Variants in ERLEC1 observed in about 807,000 individuals in gnomAD.
ERLEC1 encodes the protein ER lectin.
A neutral mutation model predicts 68.0 loss-of-function variants in ERLEC1; 47 were observed. The observed-to-expected ratio is 0.69, with a 90% CI of 0.55 to 0.88. The LOEUF (loss-of-function observed/expected upper bound fraction) is 0.88. Ranked by LOEUF, ERLEC1 falls within the 40% of genes least tolerant of loss-of-function variation. The pLI is 0.00. For synonymous variants in ERLEC1, 225 were observed against 203.2 expected (o/e 1.11, Z -0.91); for missense variants, 567 against 583.8 (o/e 0.97, Z 0.30).
chr2:53,801,823 CT>C lies in ERLEC1; in HGVS notation c.864del (p.Phe288LeufsTer42). 6.2e-7 allele frequency: 1 copy of C among 1,613,422 alleles called. No homozygotes were observed. Among genetic ancestry groups the C allele is most frequent in the Non-Finnish European group, 8.5e-7 (1 of 1,179,646 alleles). On this transcript the variant is annotated frameshift_variant, in exon 8 of 14. Coordinates refer to ENST00000185150, the MANE Select transcript of ERLEC1 (RefSeq NM_015701.5). LOFTEE classifies it high-confidence loss of function. ...CAGCAGGAAGAAATACTAAGGGTGC[CT>C]TTTAGGAGAAATAAAGAGGTATGAG... ...LEQQEEILRV[P>X]FRRNKEEDLQ...
intron 1 of ERLEC1, among the ~76,000 whole-genome samples, chr2:53,793,228 G>A (rs563904839): frequency 6.6e-6 from 1 of 152,212 alleles, no homozygotes; most frequent in South Asian, 2.1e-4. Flanking sequence ...GCAGAGATTT[G>A]TTTTTACTAA....
At chr2:53,795,605 G>A (rs1429701783) in intron 2 of ERLEC1, among the ~76,000 whole-genome samples, 2 of 152,112 alleles carry the variant, frequency 1.3e-5, no homozygotes, top group African/African-American at 4.8e-5. Context: ...TAAAAATTCT[G>A]AAATAGGTTT....
intron 1 of ERLEC1, 107 bp downstream of exon 1, chr2:53,787,479 C>A: frequency 7.5e-7 from 1 of 1,338,580 alleles, no homozygotes; most frequent in Non-Finnish European, 1.0e-6. Context: ...TCTCTGCAGA[C>A]TCTTACCTTC....
intron 2 of ERLEC1, among the ~76,000 whole-genome samples, chr2:53,795,451 C>A (rs761676537): frequency 1.3e-5 from 2 of 152,178 alleles, no homozygotes; most frequent in Non-Finnish European, 2.9e-5. Flanking sequence ...TTGAGACACA[C>A]ACACACACGC....
At chr2:53,807,942 T>G (rs1391329448) in intron 8 of ERLEC1, among the ~76,000 whole-genome samples, 2 of 152,018 alleles carry the variant, frequency 1.3e-5, no homozygotes. Context: ...GGAGAATTGC[T>G]TTAACCCAGG....
intron 1 of ERLEC1, among the ~76,000 whole-genome samples, chr2:53,791,541 A>G (rs993476099): frequency 6.6e-6 from 1 of 152,228 alleles, no homozygotes; most frequent in African/African-American, 2.4e-5. Context: ...GTTACCAAAA[A>G]GTAAAGTTTG....
chr2:53,807,350 T>G (rs1449951973), intron 8 of ERLEC1, among the ~76,000 whole-genome samples: 1 of 152,162 alleles, frequency 6.6e-6, no homozygotes, highest in Non-Finnish European at 1.5e-5. Flanking sequence ...CAGTTCTTGG[T>G]CAAAGCCTAT....
In ERLEC1 at chr2:53,787,183, C is replaced by A; in HGVS notation, c.-28C>A. 1 of 1,445,558 alleles carries A rather than the reference C, an allele frequency of 6.9e-7. No homozygotes were observed. 89.5% of individuals were successfully genotyped at this position (1,445,558 alleles called of 1,614,324 possible). ...CCTCCTGGAGCAGAGGAGGTTGTGG[C>A]GGTGGCTGGAGAAAGCGGCGGCGGA... On this transcript the variant is annotated 5_prime_UTR_variant, in exon 1 of 14. Coordinates refer to ENST00000185150, the MANE Select transcript of ERLEC1 (RefSeq NM_015701.5).
At chr2:53,815,045 G>A in intron 13 of ERLEC1, 110 bp downstream of exon 13, 2 of 633,622 alleles carry the variant, frequency 3.2e-6, no homozygotes, top group South Asian at 2.1e-5. Context: ...CTTGCTCTGT[G>A]GCTCAGGCAG....
chr2:53,810,424 C>T (rs1444117930), intron 10 of ERLEC1, among the ~76,000 whole-genome samples: 1 of 151,984 alleles, frequency 6.6e-6, no homozygotes, highest in Admixed American at 6.6e-5. Flanking sequence ...CCGTATTCTC[C>T]CATACTTGAG....
At chr2:53,800,372 T>G (rs1412963601) in intron 6 of ERLEC1, among the ~76,000 whole-genome samples, 1 of 152,100 alleles carries the variant, frequency 6.6e-6, no homozygotes, top group Non-Finnish European at 1.5e-5. Flanking sequence ...AACATCATTA[T>G]GCAGTGCATG....
At chr2:53,809,049 C>G (rs1573097779) in intron 9 of ERLEC1, among the ~76,000 whole-genome samples, 165 bp from the exon 10 acceptor site, 1 of 152,172 alleles carries the variant, frequency 6.6e-6, no homozygotes, top group East Asian at 1.9e-4. Context: ...AGTGCATATT[C>G]TCTGTATTTG....
At chr2:53,793,604 CT>C (rs76165396) in intron 1 of ERLEC1, among the ~76,000 whole-genome samples, 8,530 of 151,448 alleles carry the variant, frequency 0.056, 440 homozygotes, top group East Asian at 0.28. Flanking sequence ...CTCTTAGTGC[CT>C]TTTTTTCTTT....
At chr2:53,797,906 A>G (rs752439017) in intron 5 of ERLEC1, 111 bp downstream of exon 5, 11 of 1,010,494 alleles carry the variant, frequency 1.1e-5, no homozygotes, top group Non-Finnish European at 1.5e-5. Flanking sequence ...ATTTTAAAAT[A>G]CTGAAATAGG....
chr2:53,815,456 G>A (rs74775808), intron 13 of ERLEC1, among the ~76,000 whole-genome samples: 1,544 of 152,194 alleles, frequency 0.01, 13 homozygotes, highest in Non-Finnish European at 0.015. Flanking sequence ...AAAATCCACA[G>A]ATCTTAAGTG....
intron 3 of ERLEC1, among the ~76,000 whole-genome samples, chr2:53,797,175 G>A (rs568569851): frequency 1.3e-5 from 2 of 152,266 alleles, no homozygotes; most frequent in East Asian, 1.9e-4. Context: ...GATTACAGGC[G>A]TAAGCCAGTA....
chr2:53,803,795 A>AT (rs1324590022), intron 8 of ERLEC1, among the ~76,000 whole-genome samples: 1 of 152,156 alleles, frequency 6.6e-6, no homozygotes, highest in Admixed American at 6.5e-5. Flanking sequence ...CAGTCAAGAA[A>AT]AATTGAATTT....
chr2:53,813,877 G>A (rs1388832922), intron 11 of ERLEC1, among the ~76,000 whole-genome samples: 2 of 151,874 alleles, frequency 1.3e-5, no homozygotes, highest in Non-Finnish European at 2.9e-5. Context: ...CCATGCTGGT[G>A]TGCTGCACCC....
At chr2:53,806,290 G>A (rs1676291694) in intron 8 of ERLEC1, among the ~76,000 whole-genome samples, 1 of 152,104 alleles carries the variant, frequency 6.6e-6, no homozygotes, top group African/African-American at 2.4e-5. Flanking sequence ...AAATGAAAAT[G>A]GATGTTCTGT....
Sources: gnomAD v4.1 joint callset for allele counts (sites outside exome capture counted in the v4.1 genomes callset) on GRCh38, gnomAD v4.1.1 for gene constraint, MANE v1.5 for transcripts, NCBI Gene and HGNC (gene_info 2026-07-23, HGNC 2026-07-21) for gene names.